The following RBFOX1 variants were observed in gnomAD, a reference collection of about 807,000 sequenced individuals.
RBFOX1 encodes the protein RNA binding fox-1 homolog 1.
In RBFOX1, 8 loss-of-function variants were observed where a neutral mutation model predicts 57.7. That is an observed-to-expected ratio of 0.14 (90% confidence interval 0.08 to 0.25). RBFOX1 has a LOEUF of 0.25. Among genes scored for constraint, RBFOX1 ranks in the 10% least tolerant of loss-of-function variants. The pLI is 1.00. For missense variants in RBFOX1, 611 were observed against 548.5 expected, an observed-to-expected ratio of 1.11 and a Z score of -1.14; for synonymous variants, 326 against 222.4, an observed-to-expected ratio of 1.47 and a Z score of -4.15.
At chr16:7,365,572 G>A (rs553366538) in intron 4 of RBFOX1, among the ~76,000 whole-genome samples, 1 of 152,132 alleles carries the variant, frequency 6.6e-6, no homozygotes, top group African/African-American at 2.4e-5. Context: ...TGACATCTAC[G>A]GGATAGAGGC....
rs750285832 is a variant in RBFOX1 at position 6,892,775 on chromosome 16, CCTCTCTCT to C, written c.-15-159237_-15-159230del. Reference sequence around the variant, plus strand: ...CATATTCTCAAAGCCTCCCTGTCTCCCTCTCTCTCTCTCTCTCTCTCTCTCTCTCTCTC... The same window carrying C: ...CATATTCTCAAAGCCTCCCTGTCTCCCTCTCTCTCTCTCTCTCTCTCTCTC... On this transcript the variant is annotated intron_variant, in intron 3 of 15. Coordinates refer to ENST00000550418, the MANE Select transcript of RBFOX1 (RefSeq NM_018723.4). 9.4e-3 allele frequency among the ~76,000 whole-genome samples: 798 copies of C among 84,616 alleles called. 3 individuals are homozygous for C. Among genetic ancestry groups the C allele is most frequent in the East Asian group, 0.027 (75 of 2,740 alleles). The allele number at this position is 84,616 out of a possible 152,430, so 55.5% of individuals were successfully genotyped here.
intron 2 of RBFOX1, among the ~76,000 whole-genome samples, chr16:6,321,554 T>A (rs2081796241): frequency 6.6e-6 from 1 of 152,218 alleles, no homozygotes; most frequent in South Asian, 2.1e-4. Context: ...ATTCATCTAT[T>A]CTAACTGGTT....
intron 4 of RBFOX1, among the ~76,000 whole-genome samples, chr16:7,364,590 C>CAA (rs796271662): frequency 8.1e-6 from 1 of 122,830 alleles, no homozygotes; most frequent in Non-Finnish European, 1.7e-5. Context: ...AAAAAAAAAA[C>CAA]AAAAAAAAAA....
chr16:5,426,821 A>G (rs1373609819), intron 1 of RBFOX1, among the ~76,000 whole-genome samples: 1 of 152,226 alleles, frequency 6.6e-6, no homozygotes, highest in African/African-American at 2.4e-5. Context: ...CAGTAAAAAC[A>G]GACATCTGGA....
At chr16:7,136,679 A>G (rs1414373272) in intron 4 of RBFOX1, among the ~76,000 whole-genome samples, 1 of 152,072 alleles carries the variant, frequency 6.6e-6, no homozygotes. Context: ...GGCCTCCCAA[A>G]GTGTTGGGAT....
chr16:6,971,784 C>A (rs932917593), intron 3 of RBFOX1, among the ~76,000 whole-genome samples: 3 of 151,986 alleles, frequency 2.0e-5, no homozygotes, highest in Non-Finnish European at 4.4e-5. Flanking sequence ...CACAGTCCTG[C>A]TTCTGTTGGG....
intron 3 of RBFOX1, among the ~76,000 whole-genome samples, chr16:6,918,265 G>T (rs1427792556): frequency 1.4e-5 from 2 of 145,610 alleles, no homozygotes; most frequent in East Asian, 4.0e-4. Flanking sequence ...CTGGGTGACA[G>T]AGCAAGACTC....
intron 2 of RBFOX1, among the ~76,000 whole-genome samples, chr16:6,487,989 G>C (rs758218456): frequency 6.6e-6 from 1 of 151,960 alleles, no homozygotes; most frequent in Non-Finnish European, 1.5e-5. Context: ...CACACAAAGA[G>C]TGTACACAGA....
chr16:6,354,646 C>T (rs1376405812), intron 2 of RBFOX1, among the ~76,000 whole-genome samples: 1 of 152,144 alleles, frequency 6.6e-6, no homozygotes, highest in Non-Finnish European at 1.5e-5. Flanking sequence ...GTCTTTCATT[C>T]CCTTGAAAGT....
chr16:6,503,013 G>A (rs909307830), intron 2 of RBFOX1, among the ~76,000 whole-genome samples: 4 of 152,132 alleles, frequency 2.6e-5, no homozygotes, highest in Middle Eastern at 3.4e-3. Context: ...ATAGATAAAT[G>A]GGGAAAAGGA....
intron 3 of RBFOX1, among the ~76,000 whole-genome samples, chr16:5,639,977 T>G (rs1189320780): frequency 6.6e-6 from 1 of 152,208 alleles, no homozygotes; most frequent in African/African-American, 2.4e-5. Flanking sequence ...TGTTTTCTGA[T>G]CAGGAGTGTT....
At chr16:6,232,760 G>C (rs1447690515) in intron 1 of RBFOX1, among the ~76,000 whole-genome samples, 1 of 152,132 alleles carries the variant, frequency 6.6e-6, no homozygotes, top group Non-Finnish European at 1.5e-5. Flanking sequence ...CATTAATGCA[G>C]TGACCTCGAG....
At chr16:5,625,072 G>C (rs2048309396) in intron 3 of RBFOX1, among the ~76,000 whole-genome samples, 1 of 152,142 alleles carries the variant, frequency 6.6e-6, no homozygotes, top group Non-Finnish European at 1.5e-5. Flanking sequence ...TGGGATTCAG[G>C]GACATTGCAC....
chr16:6,621,900 T>G (rs1443549881), intron 2 of RBFOX1, among the ~76,000 whole-genome samples: 1 of 152,030 alleles, frequency 6.6e-6, no homozygotes, highest in Non-Finnish European at 1.5e-5. Flanking sequence ...ATGACATGAT[T>G]TAAAAAAAAA....
At chr16:7,686,961 G>A (rs1432543271) in intron 14 of RBFOX1, among the ~76,000 whole-genome samples, 1 of 152,058 alleles carries the variant, frequency 6.6e-6, no homozygotes, top group African/African-American at 2.4e-5. Flanking sequence ...ACTGGGGAGA[G>A]ATTCACAGAC....
chr16:7,536,008 C>T (rs1354190673), intron 5 of RBFOX1, among the ~76,000 whole-genome samples: 1 of 152,160 alleles, frequency 6.6e-6, no homozygotes, highest in Non-Finnish European at 1.5e-5. Context: ...AAGGAATGTA[C>T]AGTCTACCGT....
At chr16:6,984,203 T>A (rs1239091940) in intron 3 of RBFOX1, among the ~76,000 whole-genome samples, 2 of 152,102 alleles carry the variant, frequency 1.3e-5, no homozygotes, top group Non-Finnish European at 2.9e-5. Flanking sequence ...GCCGAGATAG[T>A]GCCATTGCAC....
intron 3 of RBFOX1, among the ~76,000 whole-genome samples, chr16:6,829,941 A>T (rs2092581767): frequency 6.7e-6 from 1 of 149,346 alleles, no homozygotes; most frequent in Non-Finnish European, 1.5e-5. Context: ...TTTGAGATGG[A>T]GTTTTGCTCT....
At chr16:7,379,439 A>T (rs1442425151) in intron 4 of RBFOX1, among the ~76,000 whole-genome samples, 1 of 152,228 alleles carries the variant, frequency 6.6e-6, no homozygotes, top group Non-Finnish European at 1.5e-5. Flanking sequence ...AGCAGTGGGA[A>T]TGAATGAATT....
Sources: gnomAD v4.1 joint callset for allele counts (sites outside exome capture counted in the v4.1 genomes callset) on GRCh38, gnomAD v4.1.1 for gene constraint, MANE v1.5 for transcripts, NCBI Gene and HGNC (gene_info 2026-07-23, HGNC 2026-07-21) for gene names.